FIG4: variants seen among roughly 807,000 people sequenced by gnomAD.
FIG4 encodes the protein polyphosphoinositide phosphatase.
Under a neutral mutation model 118.6 loss-of-function variants are expected in FIG4, and 112 were observed. The ratio of observed to expected loss-of-function variants is 0.94; its 90% CI spans 0.81 to 1.11. FIG4 has a LOEUF of 1.11. Ranked by LOEUF, FIG4 falls within the 50% of genes least tolerant of loss-of-function variation. The pLI, the probability that FIG4 is intolerant of heterozygous loss-of-function variation, is 0.00. For synonymous variants in FIG4, 369 were observed against 381.2 expected (o/e 0.97, Z 0.37); for missense variants, 969 against 1,111.7 (o/e 0.87, Z 1.83).
At chr6:109,818,478 G>T (rs1778921611) in intron 22 of FIG4, among the ~76,000 whole-genome samples, 1 of 152,110 alleles carries the variant, frequency 6.6e-6, no homozygotes, top group African/African-American at 2.4e-5. Flanking sequence ...GAGATTACAG[G>T]CATGAGCCAC....
rs533563384 is a variant in FIG4 at position 109,715,743 on chromosome 6, G to A, written c.165+567G>A. On this transcript the variant is annotated intron_variant, in intron 2 of 22. Transcript: ENST00000230124. ...TTAGTCAAAAGTGAAATACTATATG[G>A]TGGTTTGAACAGTTAAGTTTAACTG... is the stretch of plus-strand genomic sequence containing the variant. Among the ~76,000 whole-genome samples, 3 of 152,212 alleles carry A rather than the reference G, an allele frequency of 2.0e-5. No individual in the cohort carries two copies. In the South Asian group the frequency reaches 6.2e-4, roughly 32 times the overall value.
rs756308787 is a variant in FIG4, at chr6:109,791,573, T to C, written c.2376+2T>C. On this transcript the variant is annotated splice_donor_variant, in intron 20 of 22. Transcript: ENST00000230124. LOFTEE classifies it high-confidence loss of function. ...GGAGACAGTGCCAAAGTGACCGAGG[T>C]GCGGGGGAGGGAAGCCTGTGGCATC... The C allele has an allele frequency of 6.2e-7, 1 of 1,613,364 alleles. No homozygotes were observed. Among genetic ancestry groups the C allele is most frequent in the East Asian group, 2.2e-5 (1 of 44,860 alleles).
rs181270123 is a variant in FIG4 at position 109,747,106 on chromosome 6, T to C, written c.1137+3334T>C. The stretch of plus-strand genomic sequence containing the variant: ...ATGCTTGCGTCCTCTACACTTGTTC[T>C]TAGCCAAAAGGCCGAGAAGCGATGC... On this transcript the variant is annotated intron_variant, in intron 10 of 22. Transcript: ENST00000230124. 3.3e-5 allele frequency among the ~76,000 whole-genome samples: 5 copies of C among 152,226 alleles called. No individual in the cohort carries two copies. The East Asian group carries it at 7.7e-4, about 24-fold the overall frequency.
At chr6:109,785,762 G>C in intron 17 of FIG4, 2 of 466,010 alleles carry the variant, frequency 4.3e-6, no homozygotes, top group Non-Finnish European at 8.9e-6. Context: ...GGTGGGGAAG[G>C]CCATAAAGTA....
chr6:109,811,681 A>G (rs1286558862), intron 22 of FIG4, among the ~76,000 whole-genome samples: 1 of 152,210 alleles, frequency 6.6e-6, no homozygotes, highest in Non-Finnish European at 1.5e-5. Context: ...TAAGTAAGAC[A>G]GTTTCATATT....
chr6:109,798,892 G>T, intron 22 of FIG4, among the ~76,000 whole-genome samples: 1 of 151,724 alleles, frequency 6.6e-6, no homozygotes, highest in African/African-American at 2.4e-5. Flanking sequence ...TTAGCATATG[G>T]AACTATGGGC....
At position 109,703,622 on chromosome 6, in the gene FIG4, C is replaced by T. The variant is rs185047734; in HGVS notation, c.67-11456C>T. 3.9e-4 allele frequency among the ~76,000 whole-genome samples: 59 copies of T among 152,174 alleles called. 1 individual carries two copies. The highest frequency in any genetic ancestry group is 8.8e-5 in the Non-Finnish European group (6 of 68,000). On this transcript the variant is annotated intron_variant, in intron 1 of 22. Coordinates refer to ENST00000230124, the MANE Select transcript of FIG4 (RefSeq NM_014845.6). ...GATGTTTGGGAGGACCAGAGGTGTC[C>T]ACTCCTCCATCTTTATCCAGGATTC...
intron 8 of FIG4, among the ~76,000 whole-genome samples, chr6:109,742,689 T>G (rs1015461879): frequency 2.0e-5 from 3 of 152,130 alleles, no homozygotes; most frequent in Admixed American, 6.6e-5. Context: ...TATTTTTTCC[T>G]TTTGTCCATT....
intron 1 of FIG4, among the ~76,000 whole-genome samples, chr6:109,707,384 T>TACACATATGTATACATACATATAC (rs1775114352): frequency 6.8e-6 from 1 of 148,114 alleles, no homozygotes; most frequent in African/African-American, 2.5e-5. Flanking sequence ...TATACATATA[T>TACACATATGTATACATACATATAC]ACACATATGT....
intron 4 of FIG4, among the ~76,000 whole-genome samples, chr6:109,729,994 T>C (rs962273530): frequency 2.0e-5 from 3 of 152,076 alleles, no homozygotes; most frequent in Non-Finnish European, 4.4e-5. Flanking sequence ...GATGTCCCTT[T>C]TTCATGGATG....
At chr6:109,709,513 T>G (rs1775191685) in intron 1 of FIG4, among the ~76,000 whole-genome samples, 3 of 152,212 alleles carry the variant, frequency 2.0e-5, no homozygotes, top group African/African-American at 7.2e-5. Flanking sequence ...TCAGTGGTAG[T>G]TTAATAGGAA....
intron 7 of FIG4, among the ~76,000 whole-genome samples, chr6:109,739,698 G>C (rs1776266658): frequency 6.6e-6 from 1 of 152,002 alleles, no homozygotes; most frequent in African/African-American, 2.4e-5. Context: ...GCCAGCCCTG[G>C]CCCCCCTTGG....
intron 22 of FIG4, among the ~76,000 whole-genome samples, chr6:109,812,894 C>T (rs1161586521): frequency 6.6e-6 from 1 of 152,170 alleles, no homozygotes; most frequent in Non-Finnish European, 1.5e-5. Context: ...ATGCTGGGCA[C>T]TGGACAGGGT....
chr6:109,816,430 A>C (rs533987539), intron 22 of FIG4, among the ~76,000 whole-genome samples: 89 of 152,364 alleles, frequency 5.8e-4, no homozygotes, highest in African/African-American at 2.0e-3. Context: ...CGTGATGACT[A>C]AATGAAATGT....
chr6:109,778,753 C>G (rs1288604864), intron 16 of FIG4, among the ~76,000 whole-genome samples: 1 of 152,052 alleles, frequency 6.6e-6, no homozygotes, highest in African/African-American at 2.4e-5. Context: ...TGCCCACCAC[C>G]ATGCCCAGCT....
intron 10 of FIG4, among the ~76,000 whole-genome samples, chr6:109,744,798 AC>A (rs1317067791): frequency 1.0e-5 from 1 of 100,382 alleles, no homozygotes; most frequent in African/African-American, 3.6e-5. Flanking sequence ...CTATCCCCCC[AC>A]CCCCCAACAG....
chr6:109,790,766 T>A (rs1261913906), intron 19 of FIG4, among the ~76,000 whole-genome samples: 2 of 152,200 alleles, frequency 1.3e-5, no homozygotes, highest in East Asian at 1.9e-4. Context: ...CTCTTCCAAT[T>A]TGGCATTAAA....
At chr6:109,824,953 G>A (rs778290730) in intron 22 of FIG4, 135 bp from the exon 23 acceptor site, 1 of 787,894 alleles carries the variant, frequency 1.3e-6, no homozygotes, top group Non-Finnish European at 2.2e-6. Context: ...GGACTGGGGA[G>A]GTCATCCCAG....
intron 22 of FIG4, among the ~76,000 whole-genome samples, chr6:109,814,925 A>C (rs1778819309): frequency 6.6e-6 from 1 of 152,154 alleles, no homozygotes; most frequent in South Asian, 2.1e-4. Context: ...CCCCAGGCCC[A>C]CTCAAAAAAC....
Sources: gnomAD v4.1 joint callset for allele counts (sites outside exome capture counted in the v4.1 genomes callset) on GRCh38, gnomAD v4.1.1 for gene constraint, MANE v1.5 for transcripts, NCBI Gene and HGNC (gene_info 2026-07-23, HGNC 2026-07-21) for gene names.